CPAMD8: variants seen among roughly 807,000 people sequenced by gnomAD.
The protein encoded by CPAMD8 is C3 and PZP-like alpha-2-macroglobulin domain-containing protein 8.
In CPAMD8, 146 loss-of-function variants were observed where a neutral mutation model predicts 224.7. That is an observed-to-expected ratio of 0.65 (90% CI 0.57 to 0.75). CPAMD8 has a LOEUF of 0.75. Among genes scored for constraint, CPAMD8 ranks in the 30% least tolerant of loss-of-function variants. The pLI is 0.00. For missense variants in CPAMD8, 2,301 were observed against 2,537.5 expected (o/e 0.91, Z 2.00); for synonymous variants, 966 against 1,044.6 (o/e 0.92, Z 1.45).
chr19:16,912,211 C>T (rs2052754384), intron 29 of CPAMD8, among the ~76,000 whole-genome samples: 1 of 152,176 alleles, frequency 6.6e-6, no homozygotes, highest in Non-Finnish European at 1.5e-5. Flanking sequence ...CTTCCCCAGT[C>T]CATGGAACAA....
intron 20 of CPAMD8, among the ~76,000 whole-genome samples, chr19:16,950,968 A>C (rs984802014): frequency 2.0e-5 from 3 of 151,936 alleles, no homozygotes; most frequent in Non-Finnish European, 4.4e-5. Flanking sequence ...GGGCTACCTT[A>C]CTAGCCCAAG....
chr19:16,967,791 AGAGT>A (rs1004586666), intron 18 of CPAMD8, among the ~76,000 whole-genome samples: 2 of 136,170 alleles, frequency 1.5e-5, no homozygotes, highest in African/African-American at 5.4e-5. Context: ...CCTGGGCAAC[AGAGT>A]GAGACTCTGT....
chr19:17,008,596 A>G (rs1300284204), intron 6 of CPAMD8, 37 bp from the exon 7 acceptor site: 1 of 1,608,504 alleles, frequency 6.2e-7, no homozygotes, highest in Non-Finnish European at 8.5e-7. Context: ...CACGGAGTGA[A>G]CTCAGGCTAG....
rs1430031616 is a variant in CPAMD8 at position 16,993,474 on chromosome 19, C to T, written c.1208G>A (p.Gly403Glu). Residue 403 changes from glycine to glutamate, a missense_variant, in exon 12 of 42, where the codon GGA becomes GAA. By Grantham distance (98) the Gly-to-Glu change is moderately conservative. Around this residue, in one of 4 missense-constraint regions of CPAMD8, gnomAD observed 301 missense variants for 406.6 expected, o/e 0.74. Transcript: ENST00000443236. ...IYTSEVVSQR[G>E]LVGFEIPSIP... ...GGAGGGGATTTCAAACCCCACTAGT[C>T]CACGCTGGGACACAACTTCACTGGT... is the stretch of plus-strand genomic sequence containing the variant. 6.2e-7 allele frequency: 1 copy of T among 1,613,996 alleles called. No homozygotes were observed.
intron 32 of CPAMD8, 90 bp downstream of exon 32, chr19:16,904,136 C>T (rs1203990325): frequency 7.2e-7 from 1 of 1,395,398 alleles, no homozygotes; most frequent in Non-Finnish European, 9.7e-7. Context: ...AGGGGCCAGA[C>T]TGCCTGGCCA....
chr19:16,929,295 T>C, intron 23 of CPAMD8, 55 bp from the exon 24 acceptor site: 1 of 1,441,754 alleles, frequency 6.9e-7, no homozygotes, highest in Non-Finnish European at 9.5e-7. Context: ...GCATCCCACT[T>C]TCCCTGATGG....
chr19:16,914,686 CG>C lies in CPAMD8; in HGVS notation c.3756del (p.Val1253TrpfsTer5), dbSNP rs775625499. The C allele has an allele frequency of 6.2e-7, 1 of 1,613,994 alleles. No homozygotes were observed. Among genetic ancestry groups the C allele is most frequent in the Non-Finnish European group, 8.5e-7 (1 of 1,179,880 alleles). ...ATGTCCTTGTTCAGGACCCTGCCCA[CG>C]GCCAGGAAGGAGCCATCGGCCTGCT... ...QQQQADGSFL[A>X]VGRVLNKDIQ... On this transcript the variant is annotated frameshift_variant, in exon 28 of 42. Transcript: ENST00000443236. LOFTEE classifies it high-confidence loss of function.
chr19:16,900,111 G>A (rs990916052), intron 36 of CPAMD8, among the ~76,000 whole-genome samples: 1 of 151,942 alleles, frequency 6.6e-6, no homozygotes, highest in Non-Finnish European at 1.5e-5. Context: ...CCCCCAGCCA[G>A]AGCCGGGCAG....
At chr19:16,904,176 A>ACGCG in intron 32 of CPAMD8, 50 bp downstream of exon 32, 1 of 937,340 alleles carries the variant, frequency 1.1e-6, no homozygotes, top group Non-Finnish European at 1.7e-6. Flanking sequence ...GACTGCAGGG[A>ACGCG]CCCCACCCAC....
At chr19:16,976,203 T>C (rs776291974) in intron 15 of CPAMD8, 52 bp from the exon 16 acceptor site, 103 of 1,512,798 alleles carry the variant, frequency 6.8e-5, no homozygotes, top group South Asian at 1.1e-4. Flanking sequence ...TGGCTGTGAG[T>C]GGTGGCTCAC....
At chr19:16,951,678 C>G (rs2054300037) in intron 20 of CPAMD8, among the ~76,000 whole-genome samples, 1 of 152,114 alleles carries the variant, frequency 6.6e-6, no homozygotes, top group Non-Finnish European at 1.5e-5. Context: ...CACCAAGTCC[C>G]TCTCACTCAC....
chr19:17,008,598 T>C (rs1050010243), intron 6 of CPAMD8, 39 bp from the exon 7 acceptor site: 2 of 1,606,836 alleles, frequency 1.2e-6, no homozygotes, highest in Non-Finnish European at 1.7e-6. Flanking sequence ...CGGAGTGAAC[T>C]CAGGCTAGCC....
rs768527192 is a variant in CPAMD8, at chr19:17,004,247, C to T, written c.673+26G>A. 3 of 1,498,340 alleles carry T rather than the reference C, an allele frequency of 2.0e-6. No homozygotes were observed. In the South Asian group the frequency reaches 3.4e-5, roughly 17 times the overall value. 92.8% of individuals were successfully genotyped at this position (1,498,340 alleles called of 1,614,324 possible). ...AAGGTTTCTCCCAGATCTGAAATCCCAAGACCCTGAGATTCTCCAACTTAC... is the reference window on the plus strand; with the variant it reads ...AAGGTTTCTCCCAGATCTGAAATCCTAAGACCCTGAGATTCTCCAACTTAC... On this transcript the variant is annotated intron_variant, in intron 8 of 41. Coordinates refer to ENST00000443236, the MANE Select transcript of CPAMD8 (RefSeq NM_015692.5).
At chr19:16,921,669 G>C (rs1248370051) in intron 27 of CPAMD8, among the ~76,000 whole-genome samples, 1 of 125,708 alleles carries the variant, frequency 8.0e-6, no homozygotes, top group East Asian at 2.4e-4. Flanking sequence ...ATGGAGTCTT[G>C]CTCACTGTGG....
At chr19:16,896,801 A>G (rs1359909589) in intron 39 of CPAMD8, 136 bp from the exon 40 acceptor site, 1 of 510,762 alleles carries the variant, frequency 2.0e-6, no homozygotes, top group East Asian at 3.5e-5. Context: ...GCGACAGTTA[A>G]TGGGAGGTCC....
At chr19:16,953,073 C>T (rs1487165703) in intron 19 of CPAMD8, among the ~76,000 whole-genome samples, 1 of 152,070 alleles carries the variant, frequency 6.6e-6, no homozygotes. Context: ...CTTGACGACA[C>T]AGATAAATGA....
chr19:17,002,601 G>C (rs1176572066), intron 8 of CPAMD8: 3 of 355,986 alleles, frequency 8.4e-6, no homozygotes, highest in Non-Finnish European at 1.6e-5. Flanking sequence ...CACGTGCTTA[G>C]AGTGTGGCGG....
At position 17,011,448 on chromosome 19, in the gene CPAMD8, T is replaced by C; in HGVS notation, c.486+16A>G. 6.2e-7 allele frequency: 1 copy of C among 1,614,190 alleles called. No homozygotes were observed. Among genetic ancestry groups the C allele is most frequent in the East Asian group, 2.2e-5 (1 of 44,884 alleles). On this transcript the variant is annotated intron_variant, in intron 5 of 41. Coordinates refer to ENST00000443236, the MANE Select transcript of CPAMD8 (RefSeq NM_015692.5). The stretch of plus-strand genomic sequence containing the variant: ...TGGGTGCACTCCGGGCCCGCGGTTT[T>C]AGAAGCTGATCTCACCTTCTCGTTG...
At chr19:16,944,714 C>T (rs930980221) in intron 22 of CPAMD8, among the ~76,000 whole-genome samples, 3 of 134,996 alleles carry the variant, frequency 2.2e-5, no homozygotes, top group African/African-American at 9.9e-5. Flanking sequence ...AACGACACTA[C>T]AGCGGTGACC....
Sources: allele counts gnomAD v4.1 joint callset (sites outside exome capture counted in the v4.1 genomes callset), GRCh38; gene constraint gnomAD v4.1.1; regional missense constraint gnomAD v4.1.1; transcripts MANE v1.5; gene names NCBI Gene and HGNC (gene_info 2026-07-23, HGNC 2026-07-21).